KCNH7: variants seen among roughly 807,000 people sequenced by gnomAD.
The protein encoded by KCNH7 is potassium voltage-gated channel subfamily H member 7, also known as voltage-gated inwardly rectifying potassium channel KCNH7.
Under a neutral mutation model 120.8 loss-of-function variants are expected in KCNH7, and 49 were observed. The observed-to-expected ratio is 0.41, with a 90% CI of 0.32 to 0.51. The LOEUF is 0.51. Ranked by LOEUF, KCNH7 falls within the 20% of genes least tolerant of loss-of-function variation. The pLI is 0.38. For missense variants in KCNH7, 1,097 were observed against 1,446.6 expected (o/e 0.76, Z 3.92); for synonymous variants, 547 against 516.1 (o/e 1.06, Z -0.81).
At chr2:162,639,646 C>T (rs1426864344) in intron 2 of KCNH7, among the ~76,000 whole-genome samples, 1 of 152,132 alleles carries the variant, frequency 6.6e-6, no homozygotes, top group Non-Finnish European at 1.5e-5. Context: ...GATTGAATGT[C>T]TTCCCCCTAA....
In KCNH7 at chr2:162,479,669, G is replaced by C. The variant is rs199558081; in HGVS notation, c.1128+24774C>G. 4.8e-3 allele frequency among the ~76,000 whole-genome samples: 575 copies of C among 118,898 alleles called. 18 individuals are homozygous for C. In the East Asian group the frequency reaches 0.13, roughly 26 times the overall value. The allele number at this position is 118,898 out of a possible 152,430, so 78.0% of individuals were successfully genotyped here. Reference sequence around the variant, plus strand: ...ATACATTAGGAAATTGTGTGTGTGTGTGCATGTGTGTGTGTGTGTGTGTGT... The same window carrying C: ...ATACATTAGGAAATTGTGTGTGTGTCTGCATGTGTGTGTGTGTGTGTGTGT... On this transcript the variant is annotated intron_variant, in intron 6 of 15. Transcript: ENST00000332142.
intron 2 of KCNH7, among the ~76,000 whole-genome samples, chr2:162,744,018 T>A (rs1202804871): frequency 6.6e-6 from 1 of 152,204 alleles, no homozygotes; most frequent in Non-Finnish European, 1.5e-5. Context: ...AGACTAGTTT[T>A]CTACTTCAAA....
intron 6 of KCNH7, among the ~76,000 whole-genome samples, chr2:162,451,683 C>A (rs1688774677): frequency 6.6e-6 from 1 of 151,920 alleles, no homozygotes; most frequent in African/African-American, 2.4e-5. Flanking sequence ...GTGGCTGGGT[C>A]TCTCTCTATA....
At chr2:162,576,775 G>C (rs1053232389) in intron 2 of KCNH7, among the ~76,000 whole-genome samples, 3 of 151,982 alleles carry the variant, frequency 2.0e-5, no homozygotes, top group Non-Finnish European at 2.9e-5. Flanking sequence ...AAGAAGTGAG[G>C]AGAAGAGAGG....
rs1302513232 is a variant in KCNH7, at chr2:162,614,162, A to G, written c.308-77082T>C. Among the ~76,000 whole-genome samples the G allele has an allele frequency of 1.1e-4, 16 of 152,112 alleles. 1 individual carries two copies. Among genetic ancestry groups the G allele is most frequent in the Admixed American group, 1.0e-3 (16 of 15,264 alleles). On this transcript the variant is annotated intron_variant, in intron 2 of 15. Coordinates refer to ENST00000332142, the MANE Select transcript of KCNH7 (RefSeq NM_033272.4). The stretch of plus-strand genomic sequence containing the variant: ...TAGAGCAGTACATCTTAAGCTATCT[A>G]TGGTTATAAAAACCTTTTAAAGTGC...
chr2:162,421,716 A>G (rs992721382), intron 9 of KCNH7, among the ~76,000 whole-genome samples: 1 of 152,214 alleles, frequency 6.6e-6, no homozygotes, highest in African/African-American at 2.4e-5. Flanking sequence ...GGCAAGTGGT[A>G]TATAAACCAT....
intron 2 of KCNH7, among the ~76,000 whole-genome samples, chr2:162,542,899 C>T (rs1692360973): frequency 1.3e-5 from 2 of 152,114 alleles, no homozygotes; most frequent in South Asian, 4.1e-4. Context: ...TCTCCACATC[C>T]TCTCCAGCAC....
At chr2:162,791,577 C>G (rs1683946005) in intron 2 of KCNH7, among the ~76,000 whole-genome samples, 1 of 151,916 alleles carries the variant, frequency 6.6e-6, no homozygotes, top group African/African-American at 2.4e-5. Context: ...TGATTTGGCT[C>G]TCAGCTTGAT....
intron 6 of KCNH7, among the ~76,000 whole-genome samples, chr2:162,449,753 C>A (rs1293620936): frequency 1.3e-5 from 2 of 152,042 alleles, no homozygotes; most frequent in South Asian, 2.1e-4. Context: ...TTGCCCACAT[C>A]TTGATTTCAG....
chr2:162,398,182 C>T (rs1319147237), intron 10 of KCNH7, among the ~76,000 whole-genome samples: 2 of 151,792 alleles, frequency 1.3e-5, no homozygotes, highest in Non-Finnish European at 2.9e-5. Context: ...CCTGAAGCTT[C>T]TTTTCATTTT....
chr2:162,760,595 C>T (rs1434298412), intron 2 of KCNH7, among the ~76,000 whole-genome samples: 39 of 151,950 alleles, frequency 2.6e-4, no homozygotes, highest in Non-Finnish European at 4.4e-5. Context: ...CATTAATGGT[C>T]CCCTTCTCAT....
intron 6 of KCNH7, among the ~76,000 whole-genome samples, chr2:162,494,989 T>G (rs1040674453): frequency 6.6e-6 from 1 of 152,234 alleles, no homozygotes; most frequent in Non-Finnish European, 1.5e-5. Flanking sequence ...ATTTAGAGCC[T>G]TTAATAATTG....
At chr2:162,802,281 A>T (rs1684380166) in intron 2 of KCNH7, among the ~76,000 whole-genome samples, 1 of 151,830 alleles carries the variant, frequency 6.6e-6, no homozygotes. Context: ...ATGGGCTGGG[A>T]AAAACCTAAG....
intron 6 of KCNH7, among the ~76,000 whole-genome samples, chr2:162,472,312 TGG>T (rs1689572426): frequency 6.6e-6 from 1 of 152,114 alleles, no homozygotes; most frequent in African/African-American, 2.4e-5. Context: ...ACCTACAGAA[TGG>T]GAGAAAATTT....
intron 6 of KCNH7, among the ~76,000 whole-genome samples, chr2:162,485,822 G>A (rs1690076791): frequency 6.6e-6 from 1 of 152,184 alleles, no homozygotes; most frequent in Non-Finnish European, 1.5e-5. Context: ...CCCGAAACAG[G>A]ATGGTACAGC....
At chr2:162,507,960 G>A (rs1690940074) in intron 5 of KCNH7, among the ~76,000 whole-genome samples, 1 of 151,358 alleles carries the variant, frequency 6.6e-6, no homozygotes, top group African/African-American at 2.4e-5. Context: ...TTAAAACCAA[G>A]TTTTCTTCAT....
At chr2:162,495,040 GTTTC>G (rs1418764489) in intron 6 of KCNH7, among the ~76,000 whole-genome samples, 1 of 152,106 alleles carries the variant, frequency 6.6e-6, no homozygotes, top group East Asian at 1.9e-4. Context: ...GAGCATATTT[GTTTC>G]TTTCTGCCTG....
chr2:162,798,025 T>C (rs1288812235), intron 2 of KCNH7: 1 of 152,082 alleles, frequency 6.6e-6, no homozygotes, highest in Non-Finnish European at 1.5e-5. Flanking sequence ...ATGACAAGAA[T>C]AGTAATAGAA....
Position 162,632,650 on chromosome 2 carries a change from A to G in KCNH7, c.308-95570T>C, listed in dbSNP as rs139933512. 5.2e-3 allele frequency among the ~76,000 whole-genome samples: 787 copies of G among 151,954 alleles called. 10 individuals are homozygous for G. Among genetic ancestry groups the G allele is most frequent in the African/African-American group, 0.018 (752 of 41,528 alleles). ...AGGTTGGCTGAGGATTCCATAATCG[A>G]TCAATGGAAAAGAATTGATTCCAGA... On this transcript the variant is annotated intron_variant, in intron 2 of 15. Transcript: ENST00000332142.
Sources: allele counts gnomAD v4.1 joint callset (sites outside exome capture counted in the v4.1 genomes callset), GRCh38; gene constraint gnomAD v4.1.1; transcripts MANE v1.5; gene names NCBI Gene and HGNC (gene_info 2026-07-23, HGNC 2026-07-21).